Variants in ST7 observed in about 807,000 individuals in gnomAD.
ST7 encodes suppressor of tumorigenicity 7 protein.
ST7 carries 28 observed loss-of-function variants against 78.7 expected under a neutral mutation model. That is an observed-to-expected ratio of 0.36 (90% confidence interval 0.26 to 0.49). The LOEUF is 0.49. Among genes scored for constraint, ST7 ranks in the 20% least tolerant of loss-of-function variants. The pLI, the probability that ST7 is intolerant of heterozygous loss-of-function variation, is 0.99. For synonymous variants in ST7, 247 were observed against 249.6 expected (o/e 0.99, Z 0.10); for missense variants, 418 against 696.0 (o/e 0.60, Z 4.49).
intron 1 of ST7, among the ~76,000 whole-genome samples, chr7:117,050,007 C>A (rs547241451): frequency 4.6e-5 from 7 of 151,038 alleles, no homozygotes; most frequent in Non-Finnish European, 7.4e-5. Context: ...GAGATTGAGA[C>A]CATCCCGGCT....
chr7:117,135,939 G>A, intron 7 of ST7, 142 bp from the exon 8 acceptor site: 1 of 789,236 alleles, frequency 1.3e-6, no homozygotes, highest in Non-Finnish European at 2.1e-6. Context: ...TTTTGTGTCA[G>A]CAACTACAAA....
intron 1 of ST7, among the ~76,000 whole-genome samples, chr7:116,970,653 A>T (rs1251605374): frequency 6.6e-6 from 1 of 152,192 alleles, no homozygotes; most frequent in African/African-American, 2.4e-5. Flanking sequence ...CACAGTGGGG[A>T]TTAGGCTTCA....
chr7:117,099,066 C>CAAAAA (rs55999217), intron 1 of ST7, among the ~76,000 whole-genome samples: 1 of 94,540 alleles, frequency 1.1e-5, no homozygotes, highest in Non-Finnish European at 2.0e-5. Flanking sequence ...AAAAAAAAAA[C>CAAAAA]AAAAAAAAAA....
At chr7:116,998,755 A>C (rs1794795772) in intron 1 of ST7, among the ~76,000 whole-genome samples, 1 of 152,242 alleles carries the variant, frequency 6.6e-6, no homozygotes, top group African/African-American at 2.4e-5. Context: ...GCGAATATGT[A>C]AATTCCTTAT....
chr7:117,122,375 A>G (rs1018834830), intron 3 of ST7, among the ~76,000 whole-genome samples: 3 of 152,210 alleles, frequency 2.0e-5, no homozygotes, highest in African/African-American at 7.2e-5. Context: ...CTAGTTAGAC[A>G]CAAGGTTCTG....
intron 10 of ST7, among the ~76,000 whole-genome samples, chr7:117,185,578 T>C (rs868638355): frequency 6.6e-6 from 1 of 152,214 alleles, no homozygotes; most frequent in Non-Finnish European, 1.5e-5. Context: ...GAACCCTGTA[T>C]ACACAATATT....
At chr7:117,213,132 T>TG (rs1481139358) in intron 13 of ST7, among the ~76,000 whole-genome samples, 1 of 152,238 alleles carries the variant, frequency 6.6e-6, no homozygotes, top group African/African-American at 2.4e-5. Flanking sequence ...TCAGGTCCGC[T>TG]GGCCATGCAT....
Position 117,046,763 on chromosome 7 carries a change from C to T in ST7, c.152-52999C>T, listed in dbSNP as rs370387900. ...AACATGGAAGAATGACAGGTATAAT[C>T]TGATAAAAGTCTAAATGACACCTCA... On this transcript the variant is annotated intron_variant, in intron 1 of 15. Coordinates refer to ENST00000323984, the MANE Select transcript of ST7 (RefSeq NM_001369598.1). Among the ~76,000 whole-genome samples, 17 of 152,250 alleles carry T rather than the reference C, an allele frequency of 1.1e-4. No individual in the cohort carries two copies. The East Asian group carries it at 3.3e-3, about 29-fold the overall frequency.
At chr7:117,163,500 GATGATACTAC>G (rs1443942357) in intron 9 of ST7, among the ~76,000 whole-genome samples, 2 of 152,128 alleles carry the variant, frequency 1.3e-5, no homozygotes, top group Non-Finnish European at 2.9e-5. Flanking sequence ...ACTGGGAGGA[GATGATACTAC>G]ATTGTAGTTT....
intron 8 of ST7, chr7:117,136,543 G>C (rs570469559): frequency 1.9e-6 from 1 of 528,072 alleles, no homozygotes; most frequent in Admixed American, 3.6e-5. Context: ...CTGTTCATCA[G>C]TTGCTTCTGC....
chr7:116,987,765 C>G (rs1794250083), intron 1 of ST7, among the ~76,000 whole-genome samples: 2 of 152,326 alleles, frequency 1.3e-5, no homozygotes, highest in Admixed American at 1.3e-4. Context: ...ACTCTGTTCC[C>G]CAGGCTGGAG....
chr7:117,023,369 T>C (rs959613547), intron 1 of ST7, among the ~76,000 whole-genome samples: 2 of 152,222 alleles, frequency 1.3e-5, no homozygotes, highest in African/African-American at 4.8e-5. Flanking sequence ...ATAAATGCTC[T>C]TTTATGCCTG....
chr7:116,971,211 T>G (rs1366562341), intron 1 of ST7, among the ~76,000 whole-genome samples: 1 of 152,176 alleles, frequency 6.6e-6, no homozygotes, highest in Non-Finnish European at 1.5e-5. Context: ...AAAAATAATA[T>G]AAAATTTAAA....
intron 1 of ST7, among the ~76,000 whole-genome samples, chr7:117,040,795 C>G (rs1357453855): frequency 6.6e-6 from 1 of 152,194 alleles, no homozygotes; most frequent in African/African-American, 2.4e-5. Context: ...TTAAAATAAT[C>G]TATGCAATAA....
intron 1 of ST7, chr7:116,954,893 A>C (rs1244498433): frequency 3.3e-6 from 1 of 305,298 alleles, no homozygotes; most frequent in African/African-American, 2.2e-5. Context: ...TTTTGTTAGG[A>C]AACTTGTACC....
intron 12 of ST7, among the ~76,000 whole-genome samples, chr7:117,199,331 T>C (rs920697111): frequency 2.0e-5 from 3 of 152,082 alleles, no homozygotes; most frequent in Non-Finnish European, 2.9e-5. Flanking sequence ...CCTTCCTCCC[T>C]GCCCCTGCAC....
rs191872270 is a variant in ST7, at chr7:116,994,597, C to A, written c.151+40906C>A. Reference sequence around the variant, plus strand: ...AGATATGTCTGGGAGGGTATAATTACCTCCAAACAAGGATAAACCAATGGA... The same window carrying A: ...AGATATGTCTGGGAGGGTATAATTAACTCCAAACAAGGATAAACCAATGGA... On this transcript the variant is annotated intron_variant, in intron 1 of 15. Coordinates refer to ENST00000323984, the MANE Select transcript of ST7 (RefSeq NM_001369598.1). Among the ~76,000 whole-genome samples, 10 of 152,178 alleles carry A rather than the reference C, an allele frequency of 6.6e-5. No individual in the cohort carries two copies. In the East Asian group the frequency reaches 1.9e-3, roughly 29 times the overall value.
At chr7:117,105,583 A>G (rs1801893964) in intron 2 of ST7, among the ~76,000 whole-genome samples, 1 of 152,096 alleles carries the variant, frequency 6.6e-6, no homozygotes, top group Non-Finnish European at 1.5e-5. Flanking sequence ...TGCCTGGCTG[A>G]GGTTTATTAA....
intron 9 of ST7, among the ~76,000 whole-genome samples, chr7:117,143,312 T>C (rs1014659850): frequency 6.6e-6 from 1 of 152,196 alleles, no homozygotes; most frequent in Non-Finnish European, 1.5e-5. Flanking sequence ...ACACTACCTC[T>C]TCCTGTATCC....
Sources: gnomAD v4.1 joint callset for allele counts (sites outside exome capture counted in the v4.1 genomes callset) on GRCh38, gnomAD v4.1.1 for gene constraint, MANE v1.5 for transcripts, NCBI Gene and HGNC (gene_info 2026-07-23, HGNC 2026-07-21) for gene names.